MVP: variants seen among roughly 807,000 people sequenced by gnomAD.
The protein encoded by MVP is major vault protein, also known as lung resistance-related protein.
MVP carries 62 observed loss-of-function variants against 83.5 expected under a neutral mutation model. That is an observed-to-expected ratio of 0.74 (90% confidence interval 0.61 to 0.92). The LOEUF (loss-of-function observed/expected upper bound fraction) is 0.92, where lower values mean the gene tolerates loss of function less well. Ranked by LOEUF, MVP falls within the 40% of genes least tolerant of loss-of-function variation. The pLI is 0.00. For synonymous variants in MVP, 505 were observed against 504.1 expected, an observed-to-expected ratio of 1.00 and a Z score of -0.02; for missense variants, 1,000 against 1,203.4, an observed-to-expected ratio of 0.83 and a Z score of 2.50.
intron 8 of MVP, among the ~76,000 whole-genome samples, chr16:29,840,802 G>A (rs373936375): frequency 7.2e-5 from 11 of 152,062 alleles, no homozygotes; most frequent in South Asian, 2.1e-4. Flanking sequence ...TTAGTCAGGC[G>A]TGGTGGTGGT....
intron 11 of MVP, among the ~76,000 whole-genome samples, chr16:29,845,608 C>T (rs890277974): frequency 1.3e-5 from 2 of 152,216 alleles, no homozygotes; most frequent in African/African-American, 4.8e-5. Flanking sequence ...TGTCTGAAAT[C>T]CTCCTTGTAT....
At chr16:29,839,177 A>G (rs1207696931) in intron 7 of MVP, among the ~76,000 whole-genome samples, 1 of 152,178 alleles carries the variant, frequency 6.6e-6, no homozygotes, top group Non-Finnish European at 1.5e-5. Context: ...TGCTGAGCCG[A>G]GACTCCATCT....
intron 11 of MVP, among the ~76,000 whole-genome samples, chr16:29,845,630 TC>T (rs2067577608): frequency 6.6e-6 from 1 of 152,200 alleles, no homozygotes; most frequent in Non-Finnish European, 1.5e-5. Context: ...CTTGTTCTTT[TC>T]CCACTCAAGT....
chr16:29,848,022 T>A (rs747777803), downstream of MVP: 148 of 1,595,128 alleles, frequency 9.3e-5, no homozygotes, highest in Non-Finnish European at 1.1e-4. Flanking sequence ...TTTCTGGGCA[T>A]TTACAATTTC....
rs993351474 is a variant in MVP at position 29,847,918 on chromosome 16, G to C, written c.2611G>C (p.Gly871Arg). ...RVASGPSPGE[G>R]ISPQSAQAPQ... is the part of the protein sequence containing the mutation. ...GGCCAGTGGGCCCAGCCCTGGGGAG[G>C]GGATATCCCCCCAGTCTGCTCAGGC... is the stretch of plus-strand genomic sequence containing the variant. The change falls in exon 15 of 15, where the codon GGG (glycine) becomes CGG (arginine). Residue 871 changes from glycine to arginine, a missense_variant. Gly to Arg is a moderately radical substitution (Grantham distance 125). Coordinates refer to ENST00000357402, the MANE Select transcript of MVP (RefSeq NM_005115.5). 1 of 1,613,754 alleles carries C rather than the reference G, an allele frequency of 6.2e-7. No homozygotes were observed. The highest frequency in any genetic ancestry group is 1.1e-5 in the South Asian group (1 of 91,084).
intron 1 of MVP, among the ~76,000 whole-genome samples, chr16:29,828,402 T>G (rs1171510536): frequency 6.6e-6 from 1 of 151,034 alleles, no homozygotes. Flanking sequence ...GTTTTGAGAT[T>G]GGAGTCTCGC....
At chr16:29,844,369 T>C (rs1040778458) in intron 10 of MVP, 124 bp from the exon 11 acceptor site, 72 of 1,298,226 alleles carry the variant, frequency 5.5e-5, no homozygotes, top group Admixed American at 4.2e-4. Flanking sequence ...GAGGCTGAGG[T>C]TGGGGGGTTG....
chr16:29,822,061 G>C (rs1190271079), intron 1 of MVP, among the ~76,000 whole-genome samples: 1 of 151,000 alleles, frequency 6.6e-6, no homozygotes, highest in African/African-American at 2.4e-5. Context: ...CCCTGTCTCT[G>C]TTTGTGTGTG....
At position 29,831,992 on chromosome 16, in the gene MVP, GGATGGTCTT is replaced by G. The variant is rs1383612693; in HGVS notation, c.321+923_321+931del. 2.0e-5 allele frequency among the ~76,000 whole-genome samples: 3 copies of G among 152,164 alleles called. No individual in the cohort carries two copies. In the South Asian group the frequency reaches 6.2e-4, roughly 32 times the overall value. On this transcript the variant is annotated intron_variant, in intron 3 of 14. Coordinates refer to ENST00000357402, the MANE Select transcript of MVP (RefSeq NM_005115.5). ...AGACGGGGTTTCACCGTGTTAGCCA[GGATGGTCTT>G]GATCTCCTGACCTCATGATCCGCCC...
At chr16:29,847,481 G>A (rs2067595329) in intron 14 of MVP, 96 bp downstream of exon 14, 2 of 1,288,872 alleles carry the variant, frequency 1.6e-6, no homozygotes, top group South Asian at 3.0e-5. Flanking sequence ...AAGATTGTGG[G>A]GAAGGGAGGG....
intron 3 of MVP, among the ~76,000 whole-genome samples, chr16:29,832,026 C>T (rs1203863136): frequency 4.7e-5 from 7 of 150,536 alleles, no homozygotes; most frequent in East Asian, 2.0e-4. Context: ...ATGATCCGCC[C>T]GCCTCGGCCT....
Position 29,846,190 on chromosome 16 carries a change from C to G in MVP, c.2171C>G (p.Ala724Gly). 6.2e-7 allele frequency: 1 copy of G among 1,608,870 alleles called. No homozygotes were observed. The highest frequency in any genetic ancestry group is 8.5e-7 in the Non-Finnish European group (1 of 1,177,724). ...GTGGAGAGCACCGGGACTGCCAAGG[C>G]GGAGGCCGAGTCCCGTGCGGAGGCA... ...MAVESTGTAKAEAESRAEAAR... is the reference protein window; with the variant it reads ...MAVESTGTAKGEAESRAEAAR... Residue 724 changes from alanine to glycine, a missense_variant, in exon 13 of 15, where the codon GCG becomes GGG. Ala to Gly is a moderately conservative substitution (Grantham distance 60, BLOSUM62 0). Transcript: ENST00000357402.
In MVP at chr16:29,835,709, G is replaced by A; in HGVS notation, c.583G>A (p.Glu195Lys). ...RDGKERVTGEEWLVTTVGAYL... is the reference protein window; with the variant it reads ...RDGKERVTGEKWLVTTVGAYL... Reference sequence around the variant, plus strand: ...ACCCTCCACTCTTGGCCCAGGGGAAGAATGGCTGGTCACCACAGTAGGGGC... The same window carrying A: ...ACCCTCCACTCTTGGCCCAGGGGAAAAATGGCTGGTCACCACAGTAGGGGC... The change falls in exon 6 of 15, where the codon GAA becomes AAA. Residue 195 changes from glutamate to lysine, a missense_variant. By Grantham distance (56) the Glu-to-Lys change is moderately conservative. Transcript: ENST00000357402. 1.2e-6 allele frequency: 2 copies of A among 1,613,772 alleles called. No homozygotes were observed. The highest frequency in any genetic ancestry group is 8.5e-7 in the Non-Finnish European group (1 of 1,179,920).
At position 29,841,817 on chromosome 16, in the gene MVP, C is replaced by T. The variant is rs200341839; in HGVS notation, c.1413C>T (p.Tyr471=). The T allele has an allele frequency of 3.4e-5, 54 of 1,610,410 alleles. 1 individual carries two copies. In the South Asian group the frequency reaches 3.5e-4, roughly 10 times the overall value. ...RVPHNAAVQV[Y]DYREKRARVV... ...CCCACAACGCTGCGGTGCAGGTGTA[C>T]GACTACCGAGAGAAGCGAGCCCGGT... is the stretch of plus-strand genomic sequence containing the variant. The change falls in exon 9 of 15, where the codon TAC becomes TAT. Residue 471 remains tyrosine, a synonymous_variant. Coordinates refer to ENST00000357402, the MANE Select transcript of MVP (RefSeq NM_005115.5). The surrounding 1 kb of genome is among the most constrained non-coding windows in gnomAD (Gnocchi z 4.7).
intron 7 of MVP, 152 bp from the exon 8 acceptor site, chr16:29,840,026 G>A (rs768428173): frequency 8.3e-5 from 58 of 699,560 alleles, no homozygotes; most frequent in Admixed American, 1.8e-4. Flanking sequence ...AGTCCAGACA[G>A]TGCCTCACCG....
intron 1 of MVP, among the ~76,000 whole-genome samples, chr16:29,825,518 G>A (rs1567387099): frequency 6.6e-6 from 1 of 152,206 alleles, no homozygotes; most frequent in Non-Finnish European, 1.5e-5. Flanking sequence ...GAGGGTAGAA[G>A]GCAAGACCTG....
chr16:29,846,292 G>C lies in MVP; in HGVS notation c.2265+8G>C, dbSNP rs566590158. 3.3e-5 allele frequency: 51 copies of C among 1,554,350 alleles called. No individual in the cohort carries two copies. In the South Asian group the frequency reaches 5.8e-4, roughly 18 times the overall value. ...GCCTTGGCCATTGAAACGGTGAGTG[G>C]GGGGAGGCATTAAGAAGAGGGTGGC... On this transcript the variant is annotated splice_region_variant and intron_variant, in intron 13 of 14. Coordinates refer to ENST00000357402, the MANE Select transcript of MVP (RefSeq NM_005115.5).
chr16:29,828,967 G>A (rs1052960267), intron 1 of MVP, among the ~76,000 whole-genome samples: 2 of 152,030 alleles, frequency 1.3e-5, no homozygotes, highest in Admixed American at 6.6e-5. Flanking sequence ...TGTAATCTGT[G>A]GCTCCTGCCT....
Position 29,820,733 on chromosome 16 carries a change from A to G in MVP, c.-36+223A>G, listed in dbSNP as rs543700012. 7 of 152,342 alleles carry G rather than the reference A, an allele frequency of 4.6e-5. No individual in the cohort carries two copies. The South Asian group carries it at 1.4e-3, about 32-fold the overall frequency. The allele number at this position is 152,342 out of a possible 1,614,324, so 9.4% of individuals were successfully genotyped here. A position where few individuals can be genotyped will look rare whatever the true frequency, so the allele number is the denominator to read the frequency against. ...CTTCTGGGTTTTGAAGTAAAGGCAG[A>G]TTAACACCAACACCGGTCCCCCACC... On this transcript the variant is annotated intron_variant, in intron 1 of 14. Transcript: ENST00000357402.
Sources: gnomAD v4.1 joint callset for allele counts (sites outside exome capture counted in the v4.1 genomes callset) on GRCh38, gnomAD v4.1.1 for gene constraint, Gnocchi (gnomAD v3.1) non-coding constraint, MANE v1.5 for transcripts, NCBI Gene and HGNC (gene_info 2026-07-23, HGNC 2026-07-21) for gene names.